Variants in NCK2 observed in about 807,000 individuals in gnomAD.
NCK2 encodes NCK adaptor protein 2.
Under a neutral mutation model 33.9 loss-of-function variants are expected in NCK2, and 16 were observed. The ratio of observed to expected loss-of-function variants is 0.47; its 90% CI spans 0.32 to 0.72. NCK2 has a LOEUF of 0.72. Among genes scored for constraint, NCK2 ranks in the 30% least tolerant of loss-of-function variants. NCK2 has a pLI of 0.03. For missense variants in NCK2, 418 were observed against 537.3 expected, an observed-to-expected ratio of 0.78 and a Z score of 2.19; for synonymous variants, 273 against 239.9, an observed-to-expected ratio of 1.14 and a Z score of -1.27.
chr2:105,883,876 C>G (rs573550427), intron 4 of NCK2, among the ~76,000 whole-genome samples: 1 of 152,296 alleles, frequency 6.6e-6, no homozygotes, highest in South Asian at 2.1e-4. Context: ...AGTCAAGGAA[C>G]AACATATATG....
chr2:105,782,548 C>T (rs1477174486), intron 1 of NCK2, among the ~76,000 whole-genome samples: 3 of 152,310 alleles, frequency 2.0e-5, no homozygotes, highest in Non-Finnish European at 2.9e-5. Flanking sequence ...TGTTTTCATC[C>T]TCTCACTCTT....
chr2:105,775,616 G>C (rs966348396), intron 1 of NCK2, among the ~76,000 whole-genome samples: 4 of 152,094 alleles, frequency 2.6e-5, no homozygotes, highest in African/African-American at 7.2e-5. Flanking sequence ...GTAGACAAAG[G>C]AGCTGTTTGT....
intron 1 of NCK2, among the ~76,000 whole-genome samples, chr2:105,786,067 G>T (rs546263834): frequency 6.6e-6 from 1 of 151,966 alleles, no homozygotes; most frequent in African/African-American, 2.4e-5. Flanking sequence ...TTATTCTCAC[G>T]TCCCTTCCAC....
At chr2:105,797,913 C>G (rs1012116284) in intron 1 of NCK2, among the ~76,000 whole-genome samples, 10 of 152,138 alleles carry the variant, frequency 6.6e-5, no homozygotes, top group Non-Finnish European at 1.0e-4. Flanking sequence ...GCTACCGGCA[C>G]TAACAGCAGA....
chr2:105,747,789 G>C (rs142363486), intron 1 of NCK2, among the ~76,000 whole-genome samples: 2 of 152,292 alleles, frequency 1.3e-5, no homozygotes, highest in South Asian at 4.1e-4. Flanking sequence ...TTTTCAAAGG[G>C]CCTAAGCTAA....
intron 1 of NCK2, among the ~76,000 whole-genome samples, chr2:105,799,385 C>T (rs900440607): frequency 2.6e-5 from 4 of 152,048 alleles, no homozygotes; most frequent in Non-Finnish European, 5.9e-5. Context: ...CTGTTGTGGG[C>T]GTGAGATGTG....
intron 2 of NCK2, among the ~76,000 whole-genome samples, chr2:105,817,715 A>G (rs1675550951): frequency 6.6e-6 from 1 of 152,188 alleles, no homozygotes; most frequent in South Asian, 2.1e-4. Context: ...AATGCAAATC[A>G]AAACCACAAT....
At chr2:105,764,207 C>T (rs984914165) in intron 1 of NCK2, among the ~76,000 whole-genome samples, 2 of 152,252 alleles carry the variant, frequency 1.3e-5, no homozygotes, top group African/African-American at 4.8e-5. Context: ...CTTGACCCTG[C>T]AGCACCTGCT....
intron 1 of NCK2, among the ~76,000 whole-genome samples, chr2:105,784,385 C>T (rs907593736): frequency 6.6e-5 from 10 of 152,116 alleles, no homozygotes; most frequent in African/African-American, 1.4e-4. Context: ...TGGGGTGAAT[C>T]GGGAGGGGAG....
chr2:105,794,252 A>G (rs937256093), intron 1 of NCK2, among the ~76,000 whole-genome samples: 3 of 151,946 alleles, frequency 2.0e-5, no homozygotes, highest in African/African-American at 7.3e-5. Context: ...AAATTTCACC[A>G]TGTTGGCCAG....
At chr2:105,875,361 C>T (rs1005739841) in intron 3 of NCK2, among the ~76,000 whole-genome samples, 1 of 152,202 alleles carries the variant, frequency 6.6e-6, no homozygotes, top group African/African-American at 2.4e-5. Flanking sequence ...TACGGGGTCT[C>T]CTGCCCCGCC....
intron 1 of NCK2, among the ~76,000 whole-genome samples, chr2:105,750,176 A>AGT (rs1399805231): frequency 6.6e-6 from 1 of 151,968 alleles, no homozygotes; most frequent in Non-Finnish European, 1.5e-5. Flanking sequence ...GTTTCTGGTG[A>AGT]GTGTCTCTTC....
chr2:105,776,213 G>GTCCT (rs1184358132), intron 1 of NCK2, among the ~76,000 whole-genome samples: 2 of 152,212 alleles, frequency 1.3e-5, no homozygotes, highest in East Asian at 1.9e-4. Flanking sequence ...TGTCCTGGGT[G>GTCCT]GGGACACCCC....
At chr2:105,788,358 T>G (rs1280042762) in intron 1 of NCK2, among the ~76,000 whole-genome samples, 1 of 152,192 alleles carries the variant, frequency 6.6e-6, no homozygotes, top group Non-Finnish European at 1.5e-5. Flanking sequence ...TTTCTCCATT[T>G]CTATCAACGC....
Position 105,834,038 on chromosome 2 carries a change from T to G in NCK2, c.-17+17425T>G, listed in dbSNP as rs910128769. On this transcript the variant is annotated intron_variant, in intron 2 of 4. Coordinates refer to ENST00000233154, the MANE Select transcript of NCK2 (RefSeq NM_003581.5). ...GACTTTGATTTATAAAAATTTCTTA[T>G]GACTTCGTTTATGACCAAACATACT... Among the ~76,000 whole-genome samples the G allele has an allele frequency of 6.2e-4, 94 of 152,256 alleles. 1 individual carries two copies. Among genetic ancestry groups the G allele is most frequent in the African/African-American group, 2.2e-3 (90 of 41,476 alleles).
At chr2:105,803,761 A>G (rs1443983129) in intron 1 of NCK2, among the ~76,000 whole-genome samples, 1 of 152,188 alleles carries the variant, frequency 6.6e-6, no homozygotes, top group Non-Finnish European at 1.5e-5. Context: ...TCTCTAGAGT[A>G]GTGATTCTGA....
At chr2:105,855,384 CTG>C in intron 3 of NCK2, 95 bp downstream of exon 3, 1 of 851,102 alleles carries the variant, frequency 1.2e-6, no homozygotes, top group East Asian at 2.7e-5. Flanking sequence ...AAAAAAAAGT[CTG>C]TTTTAAAAGT....
intron 2 of NCK2, among the ~76,000 whole-genome samples, chr2:105,824,610 G>T (rs775308036): frequency 6.6e-6 from 1 of 152,058 alleles, no homozygotes; most frequent in Non-Finnish European, 1.5e-5. Flanking sequence ...TTTCCCAGTC[G>T]TTAAGTACCA....
At position 105,857,391 on chromosome 2, in the gene NCK2, C is replaced by G. The variant is rs184327736; in HGVS notation, c.226+2102C>G. 3.0e-3 allele frequency among the ~76,000 whole-genome samples: 458 copies of G among 152,342 alleles called. 1 individual carries two copies. The highest frequency in any genetic ancestry group is 6.6e-3 in the Admixed American group (101 of 15,306). ...GCCCTGCTGGAGCGCAGCGTCGGTT[C>G]GAGTAGGCCAATCCCATTTTTGGCG... On this transcript the variant is annotated intron_variant, in intron 3 of 4. Transcript: ENST00000233154.
Sources: allele counts gnomAD v4.1 joint callset (sites outside exome capture counted in the v4.1 genomes callset), GRCh38; gene constraint gnomAD v4.1.1; transcripts MANE v1.5; gene names NCBI Gene and HGNC (gene_info 2026-07-23, HGNC 2026-07-21).